LY75: variants seen among roughly 807,000 people sequenced by gnomAD.
LY75 encodes C-type lectin domain family 13 member B.
In LY75, 185 loss-of-function variants were observed where a neutral mutation model predicts 231.7. The ratio of observed to expected loss-of-function variants is 0.80; its 90% CI spans 0.71 to 0.90. The LOEUF (loss-of-function observed/expected upper bound fraction) is 0.90. Among genes scored for constraint, LY75 ranks in the 40% least tolerant of loss-of-function variants. The probability of loss-of-function intolerance (pLI) is 0.00; values close to 1 mark genes in which losing one functional copy is unlikely to be tolerated. For synonymous variants in LY75, 668 were observed against 689.0 expected, an observed-to-expected ratio of 0.97 and a Z score of 0.48; for missense variants, 1,947 against 2,050.2, an observed-to-expected ratio of 0.95 and a Z score of 0.97.
rs756659570 is a variant in LY75, at chr2:159,852,355, G to C, written c.2744-15C>G. 3 of 1,609,716 alleles carry C rather than the reference G, an allele frequency of 1.9e-6. No individual in the cohort carries two copies. Among genetic ancestry groups the C allele is most frequent in the Admixed American group, 1.7e-5 (1 of 59,386 alleles). On this transcript the variant is annotated splice_polypyrimidine_tract_variant and intron_variant, in intron 20 of 34. Transcript: ENST00000263636. ...TTTACCTAAGTCTGAGAAATGAAAA[G>C]CCAGGATTACTATGGTGAGAATTTT...
intron 26 of LY75, 93 bp downstream of exon 26, chr2:159,835,387 C>T (rs547150985): frequency 1.5e-6 from 2 of 1,357,984 alleles, no homozygotes; most frequent in East Asian, 5.5e-5. Flanking sequence ...TTCACAATTC[C>T]AAAACCAGAT....
chr2:159,882,910 C>G (rs1685478600), intron 6 of LY75, among the ~76,000 whole-genome samples: 1 of 152,008 alleles, frequency 6.6e-6, no homozygotes, highest in Admixed American at 6.6e-5. Flanking sequence ...AGATGGTCCT[C>G]ATGGAATTAG....
In LY75 at chr2:159,896,009, G is replaced by A. The variant is rs140980956; in HGVS notation, c.467-1925C>T. ...ATCCTTAAAACAACAGCTTTATTAT[G>A]CAATAGTTACAAATTTGTGAGATGA... On this transcript the variant is annotated intron_variant, in intron 2 of 34. Coordinates refer to ENST00000263636, the MANE Select transcript of LY75 (RefSeq NM_002349.4). Among the ~76,000 whole-genome samples, 642 of 152,258 alleles carry A rather than the reference G, an allele frequency of 4.2e-3. 4 individuals are homozygous for A. Among genetic ancestry groups the A allele is most frequent in the South Asian group, 0.015 (71 of 4,832 alleles).
At chr2:159,826,642 T>G (rs1197614429) in intron 28 of LY75, among the ~76,000 whole-genome samples, 1 of 152,164 alleles carries the variant, frequency 6.6e-6, no homozygotes, top group African/African-American at 2.4e-5. Flanking sequence ...AGAGCCCGGA[T>G]AGCCAAGACA....
intron 33 of LY75, chr2:159,808,031 AG>A (rs1366562485): frequency 1.1e-6 from 1 of 938,236 alleles, no homozygotes; most frequent in East Asian, 1.2e-4. Context: ...CTTAGAGAGA[AG>A]GGAATAACAA....
intron 16 of LY75, among the ~76,000 whole-genome samples, chr2:159,857,746 T>A (rs1388988731): frequency 1.3e-5 from 2 of 152,054 alleles, no homozygotes; most frequent in African/African-American, 2.4e-5. Flanking sequence ...TCTTAAAAAA[T>A]AATAATAATA....
chr2:159,854,556 G>T (rs1684493306), intron 17 of LY75, 21 bp from the exon 18 acceptor site: 1 of 1,608,010 alleles, frequency 6.2e-7, no homozygotes, highest in South Asian at 1.1e-5. Flanking sequence ...AGAAGAAAAA[G>T]ATTAGAATTA....
At chr2:159,872,370 A>T in intron 13 of LY75, 81 bp downstream of exon 13, 2 of 1,522,914 alleles carry the variant, frequency 1.3e-6, no homozygotes. Context: ...TCCAACAGAG[A>T]GTGAGGGTAA....
chr2:159,877,009 CAAA>C (rs58831835), intron 11 of LY75, among the ~76,000 whole-genome samples: 4 of 90,528 alleles, frequency 4.4e-5, no homozygotes, highest in African/African-American at 1.7e-4. Flanking sequence ...AACTCCATCT[CAAA>C]AAAAAAAAAA....
chr2:159,834,491 C>T (rs1256540628), intron 26 of LY75, among the ~76,000 whole-genome samples: 1 of 152,134 alleles, frequency 6.6e-6, no homozygotes, highest in African/African-American at 2.4e-5. Context: ...CCTGCATTAC[C>T]AAATGTCAAG....
At chr2:159,806,882 A>G in intron 34 of LY75, 91 bp downstream of exon 34, 1 of 1,457,842 alleles carries the variant, frequency 6.9e-7, no homozygotes, top group Non-Finnish European at 9.2e-7. Context: ...ATACTTCAAG[A>G]CTAAATACAG....
chr2:159,845,072 T>G (rs180984392), intron 23 of LY75, among the ~76,000 whole-genome samples: 2 of 152,264 alleles, frequency 1.3e-5, no homozygotes, highest in Non-Finnish European at 2.9e-5. Context: ...CCATTCTTTT[T>G]ATAGCTAAAG....
chr2:159,895,269 T>A (rs1056038227), intron 2 of LY75, among the ~76,000 whole-genome samples: 1 of 152,246 alleles, frequency 6.6e-6, no homozygotes, highest in African/African-American at 2.4e-5. Context: ...GGTTTTGTTT[T>A]GCTGTGTCAT....
chr2:159,887,210 G>A (rs976142984), intron 4 of LY75, among the ~76,000 whole-genome samples: 4 of 38,830 alleles, frequency 1.0e-4, no homozygotes, highest in African/African-American at 2.0e-4. Flanking sequence ...GAGAGTGAGA[G>A]TCACACACAC....
chr2:159,810,692 C>T lies in LY75; in HGVS notation c.4550-17G>A. The T allele has an allele frequency of 6.2e-7, 1 of 1,607,718 alleles. No individual in the cohort carries two copies. The highest frequency in any genetic ancestry group is 8.5e-7 in the Non-Finnish European group (1 of 1,178,320). On this transcript the variant is annotated splice_polypyrimidine_tract_variant and intron_variant, in intron 31 of 34. Coordinates refer to ENST00000263636, the MANE Select transcript of LY75 (RefSeq NM_002349.4). ...GCTTTTTAGCTATAAAAATGTTAGA[C>T]ACAGTTGTAACAATGCATGGAAAAA...
In LY75 at chr2:159,897,210, A is replaced by C. The variant is rs1184340362; in HGVS notation, c.466+1478T>G. ...CAACTATGCCCCTCAAAAGAATTAG[A>C]TCAGGAGACTAAAAGAACCCTGCCA... On this transcript the variant is annotated intron_variant, in intron 2 of 34. Transcript: ENST00000263636. 2.6e-5 allele frequency among the ~76,000 whole-genome samples: 4 copies of C among 152,350 alleles called. No individual in the cohort carries two copies. The East Asian group carries it at 7.7e-4, about 29-fold the overall frequency.
chr2:159,812,965 T>C (rs1328448481), intron 31 of LY75, among the ~76,000 whole-genome samples: 3 of 152,252 alleles, frequency 2.0e-5, no homozygotes, highest in African/African-American at 7.2e-5. Flanking sequence ...TTTTTGTGAC[T>C]GGCTTATTTC....
At chr2:159,875,360 G>A in intron 12 of LY75, 84 bp downstream of exon 12, 1 of 1,538,826 alleles carries the variant, frequency 6.5e-7, no homozygotes, top group Non-Finnish European at 8.8e-7. Flanking sequence ...GTACTATGGA[G>A]AAGAGCATAA....
rs1682728045 is a variant in LY75, at chr2:159,804,047, A to G, written c.*997T>C. 6.6e-6 allele frequency: 1 copy of G among 152,232 alleles called. No individual in the cohort carries two copies. Among genetic ancestry groups the G allele is most frequent in the African/African-American group, 2.4e-5 (1 of 41,468 alleles). The allele number at this position is 152,232 out of a possible 1,614,324, so 9.4% of individuals were successfully genotyped here. On this transcript the variant is annotated 3_prime_UTR_variant, in exon 35 of 35. Coordinates refer to ENST00000263636, the MANE Select transcript of LY75 (RefSeq NM_002349.4). ...CTGCTACAAGGTACCTACTCAATCTAAAAATAATGTTCCCACACTTGGGAA... is the reference window on the plus strand; with the variant it reads ...CTGCTACAAGGTACCTACTCAATCTGAAAATAATGTTCCCACACTTGGGAA...
Sources: allele counts gnomAD v4.1 joint callset (sites outside exome capture counted in the v4.1 genomes callset), GRCh38; gene constraint gnomAD v4.1.1; transcripts MANE v1.5; gene names NCBI Gene and HGNC (gene_info 2026-07-23, HGNC 2026-07-21).